The following SAMD12 variants were observed in gnomAD, a reference collection of about 807,000 sequenced individuals.
SAMD12 encodes sterile alpha motif domain-containing protein 12.
SAMD12 carries 9 observed loss-of-function variants against 15.0 expected under a neutral mutation model. The ratio of observed to expected loss-of-function variants is 0.60; its 90% CI spans 0.36 to 1.05. The LOEUF is 1.05. SAMD12 is among the 50% of genes least tolerant of loss of function. SAMD12 has a pLI of 0.01. For missense variants in SAMD12, 230 were observed against 234.2 expected (o/e 0.98, Z 0.12); for synonymous variants, 86 against 90.1 (o/e 0.96, Z 0.25).
intron 2 of SAMD12, among the ~76,000 whole-genome samples, chr8:118,468,878 A>G (rs1467510164): frequency 6.6e-6 from 1 of 152,232 alleles, no homozygotes; most frequent in Non-Finnish European, 1.5e-5. Context: ...TTTGCTGATG[A>G]CTAACGAGAT....
chr8:118,276,892 C>T (rs770334672), intron 4 of SAMD12, among the ~76,000 whole-genome samples: 7 of 152,066 alleles, frequency 4.6e-5, no homozygotes, highest in Non-Finnish European at 7.4e-5. Context: ...AGGCTGGTCT[C>T]GAACTCCTGA....
chr8:118,302,287 G>A (rs1188326226), intron 4 of SAMD12, among the ~76,000 whole-genome samples: 1 of 151,850 alleles, frequency 6.6e-6, no homozygotes, highest in African/African-American at 2.4e-5. Flanking sequence ...GTAGCATCTC[G>A]AATTTGTAGC....
intron 4 of SAMD12, among the ~76,000 whole-genome samples, chr8:118,265,383 A>AT (rs1021534251): frequency 2.0e-5 from 3 of 152,076 alleles, no homozygotes; most frequent in Non-Finnish European, 2.9e-5. Context: ...GTTGAGGGTG[A>AT]TTTTTTTACA....
intron 3 of SAMD12, among the ~76,000 whole-genome samples, chr8:118,391,577 AT>A (rs1444724415): frequency 6.6e-6 from 1 of 152,248 alleles, no homozygotes; most frequent in Non-Finnish European, 1.5e-5. Flanking sequence ...GGCACTGGGC[AT>A]GCTGGTTCCT....
chr8:118,314,724 A>G (rs1815798521), intron 4 of SAMD12, among the ~76,000 whole-genome samples: 1 of 152,102 alleles, frequency 6.6e-6, no homozygotes, highest in Admixed American at 6.6e-5. Context: ...ATGTTTCAGT[A>G]GTTTGTTCCT....
the SAMD12 span, among the ~76,000 whole-genome samples, chr8:118,147,645 C>T: frequency 8.5e-5 from 13 of 152,148 alleles, no homozygotes; most frequent in African/African-American, 3.1e-4. Context: ...CAGGCATGAG[C>T]CACCGTGCCC....
At chr8:118,230,365 T>C (rs551379783) in intron 4 of SAMD12, among the ~76,000 whole-genome samples, 1 of 152,218 alleles carries the variant, frequency 6.6e-6, no homozygotes, top group East Asian at 1.9e-4. Context: ...ATTGGACTCA[T>C]GGTTTTCTAG....
chr8:118,453,679 C>T (rs1452172531), intron 2 of SAMD12, among the ~76,000 whole-genome samples: 1 of 151,988 alleles, frequency 6.6e-6, no homozygotes, highest in Non-Finnish European at 1.5e-5. Context: ...TGCCCCCATG[C>T]AGCTAATGTT....
At chr8:118,248,644 A>G (rs1321800824) in intron 4 of SAMD12, among the ~76,000 whole-genome samples, 1 of 150,324 alleles carries the variant, frequency 6.7e-6, no homozygotes, top group Non-Finnish European at 1.5e-5. Context: ...TTTTTTTTAT[A>G]CATCAGAAGA....
chr8:118,283,010 A>G (rs571834030), intron 4 of SAMD12, among the ~76,000 whole-genome samples: 33 of 152,340 alleles, frequency 2.2e-4, no homozygotes, highest in Non-Finnish European at 4.3e-4. Context: ...CGATGGGCCT[A>G]GACATATCAC....
chr8:118,591,997 C>T (rs12676135), intron 1 of SAMD12, among the ~76,000 whole-genome samples: 15,360 of 152,128 alleles, frequency 0.1, 921 homozygotes, highest in African/African-American at 0.16. Context: ...CTAAGAGATG[C>T]TAAGCAACAT....
chr8:118,265,753 C>A (rs747090505), intron 4 of SAMD12, among the ~76,000 whole-genome samples: 13 of 151,436 alleles, frequency 8.6e-5, no homozygotes, highest in Non-Finnish European at 1.5e-4. Context: ...TCAAGAGAAC[C>A]TGTGATTCTC....
chr8:118,260,947 A>G (rs1813062664), intron 4 of SAMD12, among the ~76,000 whole-genome samples: 1 of 152,128 alleles, frequency 6.6e-6, no homozygotes, highest in Admixed American at 6.6e-5. Context: ...TTATCAAATT[A>G]TAGAATTAAA....
At chr8:118,491,327 G>A (rs772518403) in intron 2 of SAMD12, among the ~76,000 whole-genome samples, 9 of 152,050 alleles carry the variant, frequency 5.9e-5, no homozygotes, top group African/African-American at 1.9e-4. Flanking sequence ...GTTTCTCCTC[G>A]CTTTATGCAT....
chr8:118,439,810 T>A, intron 3 of SAMD12, 22 bp downstream of exon 3: 5 of 1,609,406 alleles, frequency 3.1e-6, no homozygotes, highest in Non-Finnish European at 4.3e-6. Context: ...GAGTGAAATA[T>A]CTGGGATACT....
chr8:118,574,905 T>G (rs907329098), intron 2 of SAMD12, among the ~76,000 whole-genome samples: 1 of 152,216 alleles, frequency 6.6e-6, no homozygotes, highest in African/African-American at 2.4e-5. Flanking sequence ...TAGCCAAGAA[T>G]TAGATCATTC....
At chr8:118,536,962 C>G (rs1332030191) in intron 2 of SAMD12, among the ~76,000 whole-genome samples, 1 of 152,182 alleles carries the variant, frequency 6.6e-6, no homozygotes, top group Admixed American at 6.5e-5. Context: ...TAGGACAGGT[C>G]TGGTGTTGAT....
At chr8:118,326,429 C>T (rs1160991791) in intron 4 of SAMD12, among the ~76,000 whole-genome samples, 2 of 152,136 alleles carry the variant, frequency 1.3e-5, no homozygotes, top group South Asian at 2.1e-4. Context: ...CCGGGTTATA[C>T]TATATGTCTG....
chr8:118,518,930 T>C (rs572394988), intron 2 of SAMD12, among the ~76,000 whole-genome samples: 3 of 152,230 alleles, frequency 2.0e-5, no homozygotes, highest in Admixed American at 6.5e-5. Flanking sequence ...AGAAGAAAAG[T>C]ATGAGCTCCT....
Sources: allele counts gnomAD v4.1 joint callset (sites outside exome capture counted in the v4.1 genomes callset), GRCh38; gene constraint gnomAD v4.1.1; transcripts MANE v1.5; gene names NCBI Gene and HGNC (gene_info 2026-07-23, HGNC 2026-07-21).